The following PHC3 variants were observed in gnomAD, a reference collection of about 807,000 sequenced individuals.
The protein encoded by PHC3 is polyhomeotic homolog 3.
In PHC3, 13 loss-of-function variants were observed where a neutral mutation model predicts 107.4. The ratio of observed to expected loss-of-function variants is 0.12; its 90% CI spans 0.08 to 0.19. The LOEUF is 0.19. PHC3 is among the 10% of genes least tolerant of loss of function. The pLI is 1.00. For synonymous variants in PHC3, 456 were observed against 427.4 expected (o/e 1.07, Z -0.83); for missense variants, 992 against 1,210.9 (o/e 0.82, Z 2.68).
chr3:170,136,214 A>C lies in PHC3; in HGVS notation c.919+205T>G, dbSNP rs566440317. On this transcript the variant is annotated intron_variant, in intron 7 of 14. Coordinates refer to ENST00000495893, the MANE Select transcript of PHC3 (RefSeq NM_024947.4). ...AATCAAATGTAATTTGATTTTAAAA[A>C]ACCTATTATATTGTTACAATTTATT... 2.6e-5 allele frequency: 14 copies of C among 543,814 alleles called. No homozygotes were observed. The East Asian group carries it at 4.6e-4, about 18-fold the overall frequency. 33.7% of individuals were successfully genotyped at this position (543,814 alleles called of 1,614,324 possible).
intron 6 of PHC3, among the ~76,000 whole-genome samples, chr3:170,141,664 T>C (rs1724118573): frequency 6.6e-6 from 1 of 152,192 alleles, no homozygotes; most frequent in Non-Finnish European, 1.5e-5. Flanking sequence ...CAGTCTGGAA[T>C]GCAGTGGCTC....
At chr3:170,136,344 T>G (rs775336601) in intron 7 of PHC3, 75 bp downstream of exon 7, 1 of 1,565,594 alleles carries the variant, frequency 6.4e-7, no homozygotes, top group East Asian at 2.2e-5. Context: ...GTTCAAGTCA[T>G]GAACATCCTT....
intron 11 of PHC3, among the ~76,000 whole-genome samples, chr3:170,111,555 G>A (rs1323442611): frequency 1.3e-5 from 2 of 152,132 alleles, no homozygotes; most frequent in African/African-American, 2.4e-5. Context: ...GAAATTGGGT[G>A]ATAATGTTGA....
chr3:170,134,619 T>TG (rs1245172584), intron 7 of PHC3, among the ~76,000 whole-genome samples: 51 of 151,538 alleles, frequency 3.4e-4, no homozygotes, highest in African/African-American at 1.0e-3. Context: ...AAAATCCAAG[T>TG]GGGAAAAAAA....
In PHC3 at chr3:170,110,169, T is replaced by A. The variant is rs557723566; in HGVS notation, c.2353+3191A>T. 3.5e-4 allele frequency among the ~76,000 whole-genome samples: 54 copies of A among 152,260 alleles called. No homozygotes were observed. In the South Asian group the frequency reaches 0.011, roughly 30 times the overall value. The stretch of plus-strand genomic sequence containing the variant: ...AGGTGTCAATTACATGCAAAATTTA[T>A]ACATACATCCTACAGACGGCCATCA... On this transcript the variant is annotated intron_variant, in intron 11 of 14. Coordinates refer to ENST00000495893, the MANE Select transcript of PHC3 (RefSeq NM_024947.4).
chr3:170,160,455 G>A (rs1302365795), intron 4 of PHC3, among the ~76,000 whole-genome samples: 2 of 152,162 alleles, frequency 1.3e-5, no homozygotes, highest in African/African-American at 4.8e-5. Flanking sequence ...TACCACCAGA[G>A]CAAGCAGCAC....
chr3:170,180,188 G>A (rs1484070661), intron 1 of PHC3, among the ~76,000 whole-genome samples: 3 of 151,410 alleles, frequency 2.0e-5, no homozygotes, highest in Non-Finnish European at 4.4e-5. Context: ...CTTGAGTGGC[G>A]GTTCACACCT....
At chr3:170,171,265 C>A in intron 4 of PHC3, 108 bp downstream of exon 4, 1 of 748,184 alleles carries the variant, frequency 1.3e-6, no homozygotes, top group Non-Finnish European at 2.2e-6. Context: ...TTACTTTAAA[C>A]AGCATGCAAC....
intron 11 of PHC3, among the ~76,000 whole-genome samples, chr3:170,112,896 G>T (rs1718112812): frequency 6.6e-6 from 1 of 152,094 alleles, no homozygotes; most frequent in Admixed American, 6.6e-5. Flanking sequence ...ACCACCTCTT[G>T]AATGAAGAGT....
chr3:170,153,336 T>C lies in PHC3; in HGVS notation c.415-4092A>G, dbSNP rs146437182. 2.3e-3 allele frequency among the ~76,000 whole-genome samples: 346 copies of C among 152,284 alleles called. 1 individual carries two copies. Among genetic ancestry groups the C allele is most frequent in the African/African-American group, 7.8e-3 (322 of 41,548 alleles). Reference sequence around the variant, plus strand: ...CCATTTTGATTTTTCATCACTTAGTTTGAGACTTTGGGCCCATGTCATTTC... The same window carrying C: ...CCATTTTGATTTTTCATCACTTAGTCTGAGACTTTGGGCCCATGTCATTTC... On this transcript the variant is annotated intron_variant, in intron 4 of 14. Coordinates refer to ENST00000495893, the MANE Select transcript of PHC3 (RefSeq NM_024947.4).
intron 9 of PHC3, among the ~76,000 whole-genome samples, chr3:170,120,732 G>A (rs1289196812): frequency 1.3e-5 from 2 of 152,190 alleles, no homozygotes; most frequent in African/African-American, 2.4e-5. Flanking sequence ...AGAAGCTCGA[G>A]AGAAAAGAAG....
At chr3:170,174,543 C>T (rs1376430107) in intron 2 of PHC3, among the ~76,000 whole-genome samples, 1 of 152,168 alleles carries the variant, frequency 6.6e-6, no homozygotes, top group Non-Finnish European at 1.5e-5. Context: ...GACTCTGAAA[C>T]AGCACAGAAC....
At position 170,125,400 on chromosome 3, in the gene PHC3, T is replaced by C. The variant is rs1235600546; in HGVS notation, c.1789-2656A>G. On this transcript the variant is annotated intron_variant, in intron 8 of 14. Coordinates refer to ENST00000495893, the MANE Select transcript of PHC3 (RefSeq NM_024947.4). ...GTTAATTCAGAGATAATTAAACAAG[T>C]ATGGTTTTATCGACCAGTTCAATTT... Among the ~76,000 whole-genome samples, 14 of 152,336 alleles carry C rather than the reference T, an allele frequency of 9.2e-5. No homozygotes were observed. In the East Asian group the frequency reaches 2.7e-3, roughly 29 times the overall value.
chr3:170,126,488 G>A (rs1189700935), intron 8 of PHC3, among the ~76,000 whole-genome samples: 1 of 131,268 alleles, frequency 7.6e-6, no homozygotes, highest in Non-Finnish European at 1.6e-5. Context: ...AGTTTTCAAA[G>A]TATTATGCTC....
chr3:170,102,362 T>G (rs1415951227), intron 14 of PHC3, 117 bp downstream of exon 14: 14 of 1,464,152 alleles, frequency 9.6e-6, no homozygotes, highest in Non-Finnish European at 1.3e-5. Context: ...GTCATTTTAT[T>G]TATACATATA....
Position 170,181,406 on chromosome 3 carries a change from C to A in PHC3, c.14+296G>T, listed in dbSNP as rs191833636. 1.5e-3 allele frequency among the ~76,000 whole-genome samples: 222 copies of A among 152,268 alleles called. 1 individual carries two copies. Among genetic ancestry groups the A allele is most frequent in the Middle Eastern group, 6.8e-3 (2 of 294 alleles). ...AGCGCCTGAGGAGCCCACCCGGGCT[C>A]GTTCCCCGGAAAACCCCAGCTCCCG... On this transcript the variant is annotated intron_variant, in intron 1 of 14. Coordinates refer to ENST00000495893, the MANE Select transcript of PHC3 (RefSeq NM_024947.4).
In PHC3 at chr3:170,097,323, C is replaced by T; in HGVS notation, c.2895G>A (p.Leu965=). Residue 965 remains leucine (L), a synonymous_variant, in exon 15 of 15, where the codon TTG becomes TTA. Coordinates refer to ENST00000495893, the MANE Select transcript of PHC3 (RefSeq NM_024947.4). The surrounding 1 kb of genome is among the most constrained non-coding windows in gnomAD (Gnocchi z 4.1). ...AQEIDGQALL[L]LKEDHLMSAM... ...CACTCATGAGATGGTCTTCTTTCAG[C>T]AAGAGAAGGGCCTGTCCATCAATCT... 1 of 1,613,572 alleles carries T rather than the reference C, an allele frequency of 6.2e-7. No homozygotes were observed.
chr3:170,153,885 T>C (rs1207154333), intron 4 of PHC3, among the ~76,000 whole-genome samples: 1 of 152,088 alleles, frequency 6.6e-6, no homozygotes, highest in East Asian at 1.9e-4. Context: ...ATGTGTAGTA[T>C]CATGATCTCA....
At chr3:170,180,560 TTC>T (rs985533584) in intron 1 of PHC3, among the ~76,000 whole-genome samples, 6 of 143,928 alleles carry the variant, frequency 4.2e-5, no homozygotes, top group African/African-American at 1.3e-4. Flanking sequence ...ATTTTTATGC[TTC>T]TGTTTTTTTT....
Sources: gnomAD v4.1 joint callset for allele counts (sites outside exome capture counted in the v4.1 genomes callset) on GRCh38, gnomAD v4.1.1 for gene constraint, Gnocchi (gnomAD v3.1) non-coding constraint, MANE v1.5 for transcripts, NCBI Gene and HGNC (gene_info 2026-07-23, HGNC 2026-07-21) for gene names.